Variants in SLC47A1 observed in about 807,000 individuals in gnomAD.
SLC47A1 encodes the protein multidrug and toxin extrusion protein 1.
Under a neutral mutation model 65.8 loss-of-function variants are expected in SLC47A1, and 58 were observed. That is an observed-to-expected ratio of 0.88 (90% CI 0.71 to 1.10). The LOEUF (loss-of-function observed/expected upper bound fraction) is 1.10. Ranked by LOEUF, SLC47A1 falls within the 50% of genes least tolerant of loss-of-function variation. SLC47A1 has a pLI of 0.00. For missense variants in SLC47A1, 706 were observed against 719.2 expected, an observed-to-expected ratio of 0.98 and a Z score of 0.21; for synonymous variants, 285 against 295.0, an observed-to-expected ratio of 0.97 and a Z score of 0.35.
Position 19,560,474 on chromosome 17 carries a change from T to C in SLC47A1, c.1087T>C (p.Tyr363His), listed in dbSNP as rs760149717. ...GTTAAGCTGTAAGGATCACGTGGGG[T>C]ACATTTTTACTACCGACCGGTGAGT... ...LLLSCKDHVG[Y>H]IFTTDRDIIN... Residue 363 changes from tyrosine to histidine, a missense_variant, in exon 12 of 17, where the codon TAC (tyrosine) becomes CAC (histidine). Coordinates refer to ENST00000270570, the MANE Select transcript of SLC47A1 (RefSeq NM_018242.3). The C allele has an allele frequency of 1.2e-6, 2 of 1,614,202 alleles. No individual in the cohort carries two copies. Among genetic ancestry groups the C allele is most frequent in the Non-Finnish European group, 1.7e-6 (2 of 1,180,028 alleles).
At chr17:19,536,637 G>A (rs778755100) in intron 1 of SLC47A1, among the ~76,000 whole-genome samples, 10 of 152,112 alleles carry the variant, frequency 6.6e-5, no homozygotes, top group Non-Finnish European at 1.2e-4. Flanking sequence ...TATGTGGACC[G>A]GCCTGGGTCT....
rs1421006842 is a variant in SLC47A1, at chr17:19,560,269, T to A, written c.1003T>A (p.Ser335Thr). The A allele has an allele frequency of 2.5e-6, 4 of 1,613,570 alleles. No individual in the cohort carries two copies. The highest frequency in any genetic ancestry group is 3.4e-6 in the Non-Finnish European group (4 of 1,179,800). Residue 335 changes from serine to threonine, a missense_variant, in exon 11 of 17, where the codon TCC becomes ACC. Coordinates refer to ENST00000270570, the MANE Select transcript of SLC47A1 (RefSeq NM_018242.3). ...GAGDMEQARK[S>T]STVSLLITVL... ...TGGAGACATGGAGCAGGCACGGAAGTCCTCTACCGTTTCCCTGCTGATTAC... is the reference window on the plus strand; with the variant it reads ...TGGAGACATGGAGCAGGCACGGAAGACCTCTACCGTTTCCCTGCTGATTAC...
chr17:19,541,957 C>A (rs1404222426), intron 1 of SLC47A1, among the ~76,000 whole-genome samples: 1 of 151,932 alleles, frequency 6.6e-6, no homozygotes, highest in African/African-American at 2.4e-5. Context: ...AAACTCTGTC[C>A]CTACTAAAAA....
chr17:19,544,427 T>A (rs1298177069), intron 2 of SLC47A1, among the ~76,000 whole-genome samples: 1 of 152,236 alleles, frequency 6.6e-6, no homozygotes, highest in African/African-American at 2.4e-5. Flanking sequence ...AGTCAGTGCT[T>A]CCAGGCTGGG....
rs914437368 is a variant in SLC47A1, at chr17:19,566,661, G to A, written c.1107-129G>A. On this transcript the variant is annotated intron_variant, in intron 12 of 16. Coordinates refer to ENST00000270570, the MANE Select transcript of SLC47A1 (RefSeq NM_018242.3). The stretch of plus-strand genomic sequence containing the variant: ...GCTGGTCTCAAACTCCTGACCTCAG[G>A]TGATCCTCCCGCCTCAGCCTCCCAA... The A allele has an allele frequency of 3.5e-5, 26 of 751,766 alleles. No homozygotes were observed. The African/African-American group carries it at 3.5e-4, about 10-fold the overall frequency. The allele number at this position is 751,766 out of a possible 1,614,324, so 46.6% of individuals were successfully genotyped here.
At chr17:19,556,951 A>G (rs1916633906) in intron 10 of SLC47A1, among the ~76,000 whole-genome samples, 1 of 152,210 alleles carries the variant, frequency 6.6e-6, no homozygotes, top group Non-Finnish European at 1.5e-5. Flanking sequence ...CTATGCATAC[A>G]GTGGAGTATT....
chr17:19,545,526 C>T (rs1916264760), intron 2 of SLC47A1, among the ~76,000 whole-genome samples: 1 of 146,286 alleles, frequency 6.8e-6, no homozygotes, highest in Non-Finnish European at 1.5e-5. Flanking sequence ...GGTCTCACTC[C>T]ATTGCCCAGG....
chr17:19,537,957 CCTT>C (rs1307112204), intron 1 of SLC47A1, among the ~76,000 whole-genome samples: 2 of 152,232 alleles, frequency 1.3e-5, no homozygotes, highest in African/African-American at 2.4e-5. Flanking sequence ...CCCCCAGAAA[CCTT>C]CTCTGAATTC....
At chr17:19,573,527 CTTT>C (rs34229068) in intron 16 of SLC47A1, among the ~76,000 whole-genome samples, 28,272 of 147,608 alleles carry the variant, frequency 0.19, 2,725 homozygotes, top group East Asian at 0.29. Context: ...TAAAGAAAAA[CTTT>C]TTTTTTTTTA....
At chr17:19,560,627 A>C in intron 12 of SLC47A1, 134 bp downstream of exon 12, 7 of 880,328 alleles carry the variant, frequency 8.0e-6, no homozygotes, top group South Asian at 1.5e-5. Flanking sequence ...AAAACATCTC[A>C]CTCACACCTG....
chr17:19,556,652 G>A (rs1201196630), intron 10 of SLC47A1, among the ~76,000 whole-genome samples: 2 of 148,156 alleles, frequency 1.3e-5, no homozygotes, highest in Non-Finnish European at 3.0e-5. Context: ...TCCGCCTCCC[G>A]GGTTCAAGCA....
At chr17:19,574,595 C>T (rs1415527279) in intron 16 of SLC47A1, among the ~76,000 whole-genome samples, 1 of 152,144 alleles carries the variant, frequency 6.6e-6, no homozygotes, top group Non-Finnish European at 1.5e-5. Flanking sequence ...TACCATCTTG[C>T]CAATTTCCCT....
intron 12 of SLC47A1, among the ~76,000 whole-genome samples, chr17:19,560,872 C>G (rs1173701263): frequency 7.0e-6 from 1 of 142,050 alleles, no homozygotes; most frequent in East Asian, 2.1e-4. Context: ...GAGCAAGACT[C>G]CGTCTTAAAA....
At position 19,551,309 on chromosome 17, in the gene SLC47A1, G is replaced by A. The variant is rs1057073491; in HGVS notation, c.499-115G>A. 8.8e-6 allele frequency: 8 copies of A among 909,952 alleles called. No individual in the cohort carries two copies. The South Asian group carries it at 9.2e-5, about 10-fold the overall frequency. The allele number at this position is 909,952 out of a possible 1,614,324, so 56.4% of individuals were successfully genotyped here. On this transcript the variant is annotated intron_variant, in intron 5 of 16. Transcript: ENST00000270570. Reference sequence around the variant, plus strand: ...GAGACGACAGCCTCTGTGGCTCCGTGCGGGAGCAGAGGGCAGCCGAACCTT... The same window carrying A: ...GAGACGACAGCCTCTGTGGCTCCGTACGGGAGCAGAGGGCAGCCGAACCTT...
At chr17:19,571,367 A>G in intron 14 of SLC47A1, 111 bp from the exon 15 acceptor site, 1 of 883,804 alleles carries the variant, frequency 1.1e-6, no homozygotes, top group Admixed American at 2.4e-5. Flanking sequence ...CACCTCAGCC[A>G]TGAAAGCAGA....
At chr17:19,576,995 C>T (rs376527196) in intron 16 of SLC47A1, among the ~76,000 whole-genome samples, 1 of 152,280 alleles carries the variant, frequency 6.6e-6, no homozygotes, top group East Asian at 1.9e-4. Context: ...GATCTGCCTG[C>T]CTCAGCCTCC....
Position 19,548,116 on chromosome 17 carries a change from G to A in SLC47A1, c.438G>A (p.Gln146=), listed in dbSNP as rs1456099117. The change falls in exon 4 of 17, where the codon CAG becomes CAA. Residue 146 remains glutamine (Q), a synonymous_variant. Coordinates refer to ENST00000270570, the MANE Select transcript of SLC47A1 (RefSeq NM_018242.3). ...AGCACATCCTGCTGCTCTTCAGGCA[G>A]GACCCAGATGTGTCCAGGTAAGATG... ...NTQHILLLFR[Q]DPDVSRLTQT... 6.2e-7 allele frequency: 1 copy of A among 1,613,398 alleles called. No homozygotes were observed. The highest frequency in any genetic ancestry group is 1.3e-5 in the African/African-American group (1 of 74,936).
intron 12 of SLC47A1, among the ~76,000 whole-genome samples, chr17:19,562,844 G>A (rs1427561177): frequency 6.6e-6 from 1 of 152,120 alleles, no homozygotes; most frequent in African/African-American, 2.4e-5. Context: ...CTTGTAAGGT[G>A]GCCAGGATCA....
intron 15 of SLC47A1, among the ~76,000 whole-genome samples, chr17:19,571,884 A>T (rs185758540): frequency 9.2e-5 from 14 of 152,322 alleles, no homozygotes; most frequent in Non-Finnish European, 1.5e-4. Context: ...GATGCATCAA[A>T]GTCATCCTGA....
Sources: gnomAD v4.1 joint callset for allele counts (sites outside exome capture counted in the v4.1 genomes callset) on GRCh38, gnomAD v4.1.1 for gene constraint, MANE v1.5 for transcripts, NCBI Gene and HGNC (gene_info 2026-07-23, HGNC 2026-07-21) for gene names.